CHRNB3: variants seen among roughly 807,000 people sequenced by gnomAD.
CHRNB3 encodes the protein cholinergic receptor nicotinic beta 3 subunit.
In CHRNB3, 37 loss-of-function variants were observed where a neutral mutation model predicts 40.6. The ratio of observed to expected loss-of-function variants is 0.91; its 90% confidence interval spans 0.70 to 1.20. CHRNB3 has a LOEUF of 1.20. Among genes scored for constraint, CHRNB3 ranks in the 50% most tolerant of loss-of-function variants. The pLI is 0.00. For synonymous variants in CHRNB3, 207 were observed against 207.1 expected (o/e 1.00, Z 0.00); for missense variants, 505 against 551.2 (o/e 0.92, Z 0.84).
At chr8:42,702,097 A>T (rs2128904238) in intron 1 of CHRNB3, among the ~76,000 whole-genome samples, 1 of 152,268 alleles carries the variant, frequency 6.6e-6, no homozygotes, top group Non-Finnish European at 1.5e-5. Flanking sequence ...CTGAGCCAGC[A>T]GCAGCACACT....
chr8:42,718,291 G>A (rs62518188), intron 3 of CHRNB3, among the ~76,000 whole-genome samples: 8,718 of 152,072 alleles, frequency 0.057, 340 homozygotes, highest in Middle Eastern at 0.11. Flanking sequence ...GAGATCCCAG[G>A]GATGTCCCAG....
At chr8:42,712,717 G>A (rs904196277) in intron 3 of CHRNB3, among the ~76,000 whole-genome samples, 5 of 152,142 alleles carry the variant, frequency 3.3e-5, no homozygotes, top group Non-Finnish European at 7.3e-5. Context: ...TAAAGGCCAA[G>A]AAGAAATCCT....
chr8:42,707,463 G>A (rs1168986233), intron 1 of CHRNB3, among the ~76,000 whole-genome samples: 1 of 152,176 alleles, frequency 6.6e-6, no homozygotes, highest in African/African-American at 2.4e-5. Flanking sequence ...AGGAGGGGCA[G>A]GTTAAAACTC....
In CHRNB3 at chr8:42,736,544, C is replaced by G; in HGVS notation, c.1303C>G (p.Leu435Val). ...TGACCGAATCTTCCTGTGGCTCTTTCTGATAGTGTCAGTAACAGGCTCGGT... is the reference window on the plus strand; with the variant it reads ...TGACCGAATCTTCCTGTGGCTCTTTGTGATAGTGTCAGTAACAGGCTCGGT... ...VLDRIFLWLF[L>V]IVSVTGSVLI... The change falls in exon 6 of 6, where the codon CTG (leucine) becomes GTG (valine). Residue 435 changes from leucine to valine, a missense_variant. Leu to Val is a conservative substitution (Grantham distance 32). Transcript: ENST00000289957. The G allele has an allele frequency of 1.2e-6, 2 of 1,614,164 alleles. No homozygotes were observed. The highest frequency in any genetic ancestry group is 1.7e-6 in the Non-Finnish European group (2 of 1,180,030).
intron 3 of CHRNB3, 111 bp downstream of exon 3, chr8:42,710,545 G>A: frequency 1.2e-6 from 1 of 850,486 alleles, no homozygotes; most frequent in Non-Finnish European, 1.9e-6. Flanking sequence ...GTTCCTCAGG[G>A]AGATTTGTGG....
At chr8:42,713,801 ACAT>A (rs1816057582) in intron 3 of CHRNB3, among the ~76,000 whole-genome samples, 1 of 152,190 alleles carries the variant, frequency 6.6e-6, no homozygotes, top group South Asian at 2.1e-4. Context: ...AGGAAAAGAG[ACAT>A]CATTACCCCT....
At chr8:42,710,358 T>G in intron 2 of CHRNB3, 32 bp from the exon 3 acceptor site, 1 of 1,513,786 alleles carries the variant, frequency 6.6e-7, no homozygotes, top group African/African-American at 1.4e-5. Context: ...TCACTTCAAC[T>G]TACAGTATTT....
chr8:42,712,381 G>A (rs766759644), intron 3 of CHRNB3, among the ~76,000 whole-genome samples: 20 of 152,126 alleles, frequency 1.3e-4, no homozygotes, highest in Non-Finnish European at 2.5e-4. Context: ...TTTATAAGGA[G>A]CAATGGATAC....
intron 4 of CHRNB3, 110 bp from the exon 5 acceptor site, chr8:42,731,557 A>C: frequency 8.2e-7 from 1 of 1,214,402 alleles, no homozygotes. Context: ...TCCATCTCAA[A>C]AAAGAAAAGA....
chr8:42,719,041 C>T (rs761570619), intron 3 of CHRNB3, among the ~76,000 whole-genome samples: 1 of 152,056 alleles, frequency 6.6e-6, no homozygotes, highest in African/African-American at 2.4e-5. Context: ...TGGTGTTTGA[C>T]GACGGCTTTG....
intron 3 of CHRNB3, among the ~76,000 whole-genome samples, chr8:42,723,801 T>A (rs1350878474): frequency 2.6e-5 from 4 of 152,162 alleles, no homozygotes; most frequent in Non-Finnish European, 4.4e-5. Context: ...TTATTATATT[T>A]TAGTCCGGTT....
At position 42,697,389 on chromosome 8, in the gene CHRNB3, G is replaced by T; in HGVS notation, c.-158G>T. ...TTGAGAAGCGGCACACTCGGCGAGA[G>T]GGGTTGAGATTGTTTTATTCCACTC... On this transcript the variant is annotated 5_prime_UTR_variant, in exon 1 of 6. In the 5' UTR this introduces an upstream ATG that the reference lacks. Transcript: ENST00000289957. The T allele has an allele frequency of 1.6e-6, 1 of 607,316 alleles. No homozygotes were observed. The highest frequency in any genetic ancestry group is 2.7e-5 in the Admixed American group (1 of 37,164). 37.6% of individuals were successfully genotyped at this position (607,316 alleles called of 1,614,324 possible). A position where few individuals can be genotyped will look rare whatever the true frequency, so the allele number is the denominator to read the frequency against.
intron 1 of CHRNB3, among the ~76,000 whole-genome samples, chr8:42,706,163 G>A (rs1815918923): frequency 6.6e-6 from 1 of 152,198 alleles, no homozygotes. Context: ...GTGAAGGGAT[G>A]GCTGTGGGCT....
intron 5 of CHRNB3, among the ~76,000 whole-genome samples, chr8:42,734,002 A>G (rs1395092267): frequency 6.6e-6 from 1 of 150,766 alleles, no homozygotes; most frequent in African/African-American, 2.4e-5. Flanking sequence ...TCATGCCTGT[A>G]ATCCCAGCAC....
At chr8:42,735,742 T>C (rs929258071) in intron 5 of CHRNB3, among the ~76,000 whole-genome samples, 1 of 152,128 alleles carries the variant, frequency 6.6e-6, no homozygotes, top group African/African-American at 2.4e-5. Flanking sequence ...CTCAGTTTCT[T>C]GTCTCCTTCA....
chr8:42,728,938 G>A (rs1264676859), intron 3 of CHRNB3, among the ~76,000 whole-genome samples: 1 of 152,064 alleles, frequency 6.6e-6, no homozygotes, highest in Non-Finnish European at 1.5e-5. Context: ...ACCAATGATA[G>A]TAAGAGTCTC....
intron 5 of CHRNB3, among the ~76,000 whole-genome samples, chr8:42,734,694 C>G (rs1418218583): frequency 6.6e-6 from 1 of 151,582 alleles, no homozygotes; most frequent in Non-Finnish European, 1.5e-5. Context: ...GCTGGGATTA[C>G]AGGCCTGAGC....
chr8:42,717,373 CAAAAAAAAAAAAAAAA>C lies in CHRNB3; in HGVS notation c.249+6956_249+6971del, dbSNP rs1169333899. On this transcript the variant is annotated intron_variant, in intron 3 of 5. Transcript: ENST00000289957. ...TGGGTGACAGAGCGAGACTCCGTCT[CAAAAAAAAAAAAAAAA>C]AAAAAAAAAAAAAAAAGCCGACCTG... Among the ~76,000 whole-genome samples the C allele has an allele frequency of 1.3e-3, 15 of 11,200 alleles. 1 individual carries two copies. The highest frequency in any genetic ancestry group is 0.012 in the East Asian group (3 of 252). 7.3% of individuals were successfully genotyped at this position (11,200 alleles called of 152,430 possible).
chr8:42,720,864 A>G (rs1214325257), intron 3 of CHRNB3, among the ~76,000 whole-genome samples: 1 of 152,262 alleles, frequency 6.6e-6, no homozygotes, highest in Non-Finnish European at 1.5e-5. Flanking sequence ...CAGAAGTGCT[A>G]GAATTTTAGT....
Sources: gnomAD v4.1 joint callset for allele counts (sites outside exome capture counted in the v4.1 genomes callset) on GRCh38, gnomAD v4.1.1 for gene constraint, MANE v1.5 for transcripts, NCBI Gene and HGNC (gene_info 2026-07-23, HGNC 2026-07-21) for gene names.